The following LRRFIP1 variants were observed in gnomAD, a reference collection of about 807,000 sequenced individuals.
The protein encoded by LRRFIP1 is leucine-rich repeat flightless-interacting protein 1.
A neutral mutation model predicts 104.4 loss-of-function variants in LRRFIP1; 62 were observed. The observed-to-expected ratio is 0.59, with a 90% CI of 0.48 to 0.73. LRRFIP1 has a LOEUF of 0.73. Among genes scored for constraint, LRRFIP1 ranks in the 30% least tolerant of loss-of-function variants. The probability of loss-of-function intolerance (pLI) is 0.00; values close to 1 mark genes in which losing one functional copy is unlikely to be tolerated. For missense variants in LRRFIP1, 796 were observed against 824.5 expected, an observed-to-expected ratio of 0.97 and a Z score of 0.42; for synonymous variants, 300 against 299.0, an observed-to-expected ratio of 1.00 and a Z score of -0.03.
chr2:237,697,286 G>A (rs1357991908), intron 1 of LRRFIP1, among the ~76,000 whole-genome samples: 1 of 152,084 alleles, frequency 6.6e-6, no homozygotes, highest in Non-Finnish European at 1.5e-5. Context: ...GCCTCCCAAA[G>A]TGCTGGGATT....
chr2:237,673,281 C>T (rs79508671), intron 1 of LRRFIP1, among the ~76,000 whole-genome samples: 1,672 of 152,314 alleles, frequency 0.011, 34 homozygotes, highest in African/African-American at 0.038. Flanking sequence ...TGGGACAATG[C>T]GGGGACAGCG....
chr2:237,743,735 C>T lies in LRRFIP1; in HGVS notation c.633+4426C>T, dbSNP rs573675388. Among the ~76,000 whole-genome samples the T allele has an allele frequency of 3.3e-5, 5 of 152,242 alleles. No homozygotes were observed. The South Asian group carries it at 8.3e-4, about 25-fold the overall frequency. On this transcript the variant is annotated intron_variant, in intron 11 of 23. Coordinates refer to ENST00000308482, the MANE Select transcript of LRRFIP1 (RefSeq NM_001137550.2). Reference sequence around the variant, plus strand: ...GACGGATGCTTGTTGGGTGATCACACGTTGTGAAGCCCAGCAGCGGGGGTG... The same window carrying T: ...GACGGATGCTTGTTGGGTGATCACATGTTGTGAAGCCCAGCAGCGGGGGTG...
chr2:237,706,216 G>A (rs915061598), intron 1 of LRRFIP1, among the ~76,000 whole-genome samples: 1 of 152,106 alleles, frequency 6.6e-6, no homozygotes, highest in Non-Finnish European at 1.5e-5. Context: ...TGCAGGGCGT[G>A]TACACCAGAG....
At chr2:237,639,078 G>T (rs978050325) in intron 1 of LRRFIP1, among the ~76,000 whole-genome samples, 78 of 152,236 alleles carry the variant, frequency 5.1e-4, no homozygotes, top group African/African-American at 1.6e-3. Context: ...AGGCTGCAGG[G>T]CGTGCTGCCT....
chr2:237,709,313 G>C (rs1271674049), intron 2 of LRRFIP1, among the ~76,000 whole-genome samples: 2 of 152,156 alleles, frequency 1.3e-5, no homozygotes, highest in Admixed American at 1.3e-4. Context: ...AGACATAGAA[G>C]CTGAGACCCC....
chr2:237,712,643 ATG>A lies in LRRFIP1; in HGVS notation c.184-1607_184-1606del, dbSNP rs3835815. 3.1e-3 allele frequency among the ~76,000 whole-genome samples: 467 copies of A among 151,706 alleles called. 9 individuals carry two copies. The East Asian group carries it at 0.048, about 16-fold the overall frequency. On this transcript the variant is annotated intron_variant, in intron 2 of 23. Transcript: ENST00000308482. ...CACGCATTCGTGTGTGTGCGTGTGC[ATG>A]TGTGTGTGCATGTGTGTGCATGTGC...
At chr2:237,705,308 C>G (rs2093749734) in intron 1 of LRRFIP1, among the ~76,000 whole-genome samples, 1 of 152,158 alleles carries the variant, frequency 6.6e-6, no homozygotes, top group African/African-American at 2.4e-5. Flanking sequence ...AATAAATATC[C>G]ACAATTCAGC....
intron 2 of LRRFIP1, 131 bp downstream of exon 2, chr2:237,708,761 C>G (rs779416703): frequency 9.7e-7 from 1 of 1,032,500 alleles, no homozygotes; most frequent in Non-Finnish European, 1.5e-6. Context: ...AGTGCGTTTG[C>G]GCCTGTGACT....
intron 1 of LRRFIP1, among the ~76,000 whole-genome samples, chr2:237,707,761 A>G (rs2150010074): frequency 6.6e-6 from 1 of 152,362 alleles, no homozygotes; most frequent in South Asian, 2.1e-4. Context: ...TTCCTGCTCA[A>G]GCATTTGAAA....
chr2:237,681,890 G>A (rs1378690069), intron 1 of LRRFIP1, among the ~76,000 whole-genome samples: 1 of 150,312 alleles, frequency 6.7e-6, no homozygotes, highest in Non-Finnish European at 1.5e-5. Context: ...CGTTTTAGCT[G>A]GGATGGTCTC....
chr2:237,651,511 C>A (rs2085930532), intron 1 of LRRFIP1, among the ~76,000 whole-genome samples: 1 of 152,280 alleles, frequency 6.6e-6, no homozygotes, highest in African/African-American at 2.4e-5. Context: ...ACACCTCCTT[C>A]CATCTGGGAA....
chr2:237,779,547 C>A lies in LRRFIP1; in HGVS notation c.*15C>A. The A allele has an allele frequency of 6.3e-7, 1 of 1,599,730 alleles. No homozygotes were observed. Among genetic ancestry groups the A allele is most frequent in the South Asian group, 1.1e-5 (1 of 90,720 alleles). On this transcript the variant is annotated 3_prime_UTR_variant, in exon 24 of 24. Transcript: ENST00000308482. ...CCCAGCAGTAAATTCCAGCTCTGAT[C>A]AGGCAACTGGTTGGTGACTGGAGAG...
At chr2:237,707,197 G>T (rs1210987777) in intron 1 of LRRFIP1, among the ~76,000 whole-genome samples, 3 of 151,866 alleles carry the variant, frequency 2.0e-5, no homozygotes, top group Non-Finnish European at 4.4e-5. Context: ...GTAAGTCTAG[G>T]ATGGGAGAGA....
At position 237,649,453 on chromosome 2, in the gene LRRFIP1, C is replaced by T. The variant is rs769458387; in HGVS notation, c.96+21713C>T. Among the ~76,000 whole-genome samples the T allele has an allele frequency of 5.3e-5, 8 of 151,928 alleles. No homozygotes were observed. Among genetic ancestry groups the T allele is most frequent in the Non-Finnish European group, 8.8e-5 (6 of 67,928 alleles). ...GGCTGAGGCGGGAGAATTGCTTGAG[C>T]CCAGGACGTGGAGGCTGCAGTGAGC... On this transcript the variant is annotated intron_variant, in intron 1 of 23. Coordinates refer to ENST00000308482, the MANE Select transcript of LRRFIP1 (RefSeq NM_001137550.2). The surrounding 1 kb of genome is among the most constrained non-coding windows in gnomAD (Gnocchi z 4.1).
chr2:237,720,144 C>A (rs1362347585), intron 5 of LRRFIP1, among the ~76,000 whole-genome samples: 1 of 151,810 alleles, frequency 6.6e-6, no homozygotes, highest in Non-Finnish European at 1.5e-5. Flanking sequence ...ACGGAGTTTC[C>A]CTATGTTGCC....
rs551991741 is a variant in LRRFIP1, at chr2:237,749,263, G to A, written c.734G>A (p.Arg245Gln). The A allele has an allele frequency of 9.3e-6, 15 of 1,613,904 alleles. No homozygotes were observed. In the African/African-American group the frequency reaches 9.3e-5, roughly 10 times the overall value. ...TLASLGGTSS[R>Q]RGSGDTSISI... ...GCCTCTCTGGGTGGGACTTCCTCTC[G>A]GAGAGGCAGCGGAGACACCTCCATC... The change falls in exon 13 of 24, where the codon CGG becomes CAG. Residue 245 changes from arginine (R) to glutamine (Q), a missense_variant. Physicochemically the swap from Arg to Gln is conservative, Grantham distance 43 (BLOSUM62 1). Coordinates refer to ENST00000308482, the MANE Select transcript of LRRFIP1 (RefSeq NM_001137550.2).
chr2:237,633,600 GGA>G, intron 1 of LRRFIP1, among the ~76,000 whole-genome samples: 1 of 152,262 alleles, frequency 6.6e-6, no homozygotes, highest in African/African-American at 2.4e-5. Context: ...AGACGGGAAA[GGA>G]GAGAGGGGCG....
At chr2:237,779,143 G>A (rs1346748262) in intron 23 of LRRFIP1, among the ~76,000 whole-genome samples, 2 of 152,190 alleles carry the variant, frequency 1.3e-5, no homozygotes, top group Non-Finnish European at 2.9e-5. Context: ...GAACCCGTGA[G>A]GCGGAGCTTG....
At position 237,649,118 on chromosome 2, in the gene LRRFIP1, G is replaced by A. The variant is rs6711567; in HGVS notation, c.96+21378G>A. 0.018 allele frequency among the ~76,000 whole-genome samples: 2,740 copies of A among 151,922 alleles called. 82 individuals are homozygous for A. Among genetic ancestry groups the A allele is most frequent in the African/African-American group, 0.063 (2,613 of 41,502 alleles). On this transcript the variant is annotated intron_variant, in intron 1 of 23. Coordinates refer to ENST00000308482, the MANE Select transcript of LRRFIP1 (RefSeq NM_001137550.2). The surrounding 1 kb of genome is among the most constrained non-coding windows in gnomAD (Gnocchi z 4.1). ...CCCCTGGAGCTGGAGGAGGTGCTGG[G>A]CCATGGTTTGGAAGCTCGCATGGTC...
Sources: gnomAD v4.1 joint callset for allele counts (sites outside exome capture counted in the v4.1 genomes callset) on GRCh38, gnomAD v4.1.1 for gene constraint, Gnocchi (gnomAD v3.1) non-coding constraint, MANE v1.5 for transcripts, NCBI Gene and HGNC (gene_info 2026-07-23, HGNC 2026-07-21) for gene names.